ZNF385D: variants seen among roughly 807,000 people sequenced by gnomAD.
ZNF385D encodes zinc finger protein 385D.
A neutral mutation model predicts 35.8 loss-of-function variants in ZNF385D; 15 were observed. The ratio of observed to expected loss-of-function variants is 0.42; its 90% CI spans 0.28 to 0.64. ZNF385D has a LOEUF of 0.64. Among genes scored for constraint, ZNF385D ranks in the 30% least tolerant of loss-of-function variants. The pLI, the probability that ZNF385D is intolerant of heterozygous loss-of-function variation, is 0.23. For missense variants in ZNF385D, 474 were observed against 494.6 expected (o/e 0.96, Z 0.39); for synonymous variants, 212 against 186.8 (o/e 1.13, Z -1.10).
chr3:21,943,812 A>G (rs1353355371), intron 3 of ZNF385D, among the ~76,000 whole-genome samples: 2 of 152,226 alleles, frequency 1.3e-5, no homozygotes, highest in Admixed American at 6.5e-5. Context: ...GGAATGGCCA[A>G]ACTAAGCCTG....
At chr3:21,702,789 C>T (rs1396419733) in intron 1 of ZNF385D, among the ~76,000 whole-genome samples, 1 of 152,190 alleles carries the variant, frequency 6.6e-6, no homozygotes, top group African/African-American at 2.4e-5. Flanking sequence ...GTGCAAAATG[C>T]CACCAGTTTC....
At chr3:21,995,257 G>T (rs1033115506) in intron 3 of ZNF385D, among the ~76,000 whole-genome samples, 1 of 152,222 alleles carries the variant, frequency 6.6e-6, no homozygotes, top group Non-Finnish European at 1.5e-5. Flanking sequence ...GGGTGGCCAA[G>T]AAGGCATGCA....
intron 3 of ZNF385D, among the ~76,000 whole-genome samples, chr3:21,880,363 G>A (rs564678811): frequency 1.3e-5 from 2 of 152,040 alleles, no homozygotes; most frequent in South Asian, 2.1e-4. Flanking sequence ...TCGTGTTTCT[G>A]TCACATTTTG....
At chr3:22,166,310 T>C (rs1001953118) in intron 3 of ZNF385D, among the ~76,000 whole-genome samples, 2 of 152,204 alleles carry the variant, frequency 1.3e-5, no homozygotes, top group African/African-American at 4.8e-5. Context: ...TTGAATAGTA[T>C]ATTAATCAAA....
intron 3 of ZNF385D, among the ~76,000 whole-genome samples, chr3:22,112,529 T>C (rs1317352509): frequency 1.3e-5 from 2 of 152,164 alleles, no homozygotes; most frequent in African/African-American, 2.4e-5. Flanking sequence ...TATCAATGTA[T>C]GTAAATCTAT....
chr3:21,928,372 G>A (rs1456623374), intron 3 of ZNF385D, among the ~76,000 whole-genome samples: 2 of 150,928 alleles, frequency 1.3e-5, no homozygotes, highest in East Asian at 3.9e-4. Context: ...GGAAAGGAAA[G>A]GAAAGCAAAG....
chr3:21,900,027 T>G (rs1280021345), intron 3 of ZNF385D, among the ~76,000 whole-genome samples: 1 of 152,148 alleles, frequency 6.6e-6, no homozygotes, highest in Non-Finnish European at 1.5e-5. Flanking sequence ...TTCAACCCTA[T>G]GTTCAAAAAA....
chr3:22,070,346 G>T (rs1700169814), intron 3 of ZNF385D, among the ~76,000 whole-genome samples: 1 of 152,072 alleles, frequency 6.6e-6, no homozygotes, highest in Non-Finnish European at 1.5e-5. Flanking sequence ...ATACTACAGA[G>T]AAACGGATGC....
chr3:21,790,715 T>C (rs2071892226), intron 3 of ZNF385D, among the ~76,000 whole-genome samples: 2 of 152,330 alleles, frequency 1.3e-5, no homozygotes, highest in South Asian at 4.1e-4. Flanking sequence ...CAAGTTGCTA[T>C]TTAAACCTTG....
At position 22,103,664 on chromosome 3, in the gene ZNF385D, G is replaced by C. The variant is rs564506218; in HGVS notation, c.325+65153C>G. On this transcript the variant is annotated intron_variant, in intron 3 of 5. Coordinates refer to the ZNF385D transcript ENST00000494108. ...TTTTGCAACTCAATGACCCACATTT[G>C]GGTTAGTGCTTGTGGACACGTTAGT... 3.5e-5 allele frequency among the ~76,000 whole-genome samples: 5 copies of C among 142,128 alleles called. No individual in the cohort carries two copies. In the South Asian group the frequency reaches 1.1e-3, roughly 31 times the overall value. 93.2% of individuals were successfully genotyped at this position (142,128 alleles called of 152,430 possible). A position where few individuals can be genotyped will look rare whatever the true frequency, so the allele number is the denominator to read the frequency against.
In ZNF385D at chr3:21,416,730, A is replaced by G. The variant is rs924202097; in HGVS notation, c.*4484T>C. 2 of 152,188 alleles carry G rather than the reference A, an allele frequency of 1.3e-5. No individual in the cohort carries two copies. The highest frequency in any genetic ancestry group is 2.4e-5 in the African/African-American group (1 of 41,462). The allele number at this position is 152,188 out of a possible 1,614,324, so 9.4% of individuals were successfully genotyped here. On this transcript the variant is annotated 3_prime_UTR_variant, in exon 8 of 8. Coordinates refer to ENST00000281523, the MANE Select transcript of ZNF385D (RefSeq NM_024697.3). Reference sequence around the variant, plus strand: ...ACAATGACAAGAGCGCATAACTGATATACTTGTCTGTGGAAGAGATGGTCT... The same window carrying G: ...ACAATGACAAGAGCGCATAACTGATGTACTTGTCTGTGGAAGAGATGGTCT...
At chr3:22,042,202 A>G (rs1444893351) in intron 3 of ZNF385D, among the ~76,000 whole-genome samples, 2 of 152,114 alleles carry the variant, frequency 1.3e-5, no homozygotes, top group African/African-American at 4.8e-5. Flanking sequence ...ACTAGTTATG[A>G]AACTGGGAAT....
chr3:21,757,367 T>G (rs1051542173), intron 3 of ZNF385D, among the ~76,000 whole-genome samples: 1 of 152,136 alleles, frequency 6.6e-6, no homozygotes, highest in Non-Finnish European at 1.5e-5. Flanking sequence ...GGTCTTGAAT[T>G]CCTGACCTCA....
At chr3:22,285,554 T>C (rs1037939144) in intron 2 of ZNF385D, among the ~76,000 whole-genome samples, 1 of 152,156 alleles carries the variant, frequency 6.6e-6, no homozygotes, top group Non-Finnish European at 1.5e-5. Context: ...TATTATACTT[T>C]AAGTTTTAGG....
intron 2 of ZNF385D, among the ~76,000 whole-genome samples, chr3:21,600,898 A>G (rs943368120): frequency 2.0e-5 from 3 of 152,090 alleles, no homozygotes; most frequent in African/African-American, 7.2e-5. Flanking sequence ...CAAAGGGATG[A>G]ATAGATTAAA....
chr3:22,035,450 C>T (rs898992296), intron 3 of ZNF385D, among the ~76,000 whole-genome samples: 1 of 152,008 alleles, frequency 6.6e-6, no homozygotes, highest in Non-Finnish European at 1.5e-5. Flanking sequence ...TCAGTTAAGC[C>T]CAGAGCATAA....
At chr3:22,109,545 C>A (rs1291439338) in intron 3 of ZNF385D, among the ~76,000 whole-genome samples, 1 of 152,038 alleles carries the variant, frequency 6.6e-6, no homozygotes, top group African/African-American at 2.4e-5. Flanking sequence ...GGGGCTGAGG[C>A]AAATAGGGTT....
intron 3 of ZNF385D, among the ~76,000 whole-genome samples, chr3:21,848,578 C>G (rs977467753): frequency 6.6e-6 from 1 of 151,664 alleles, no homozygotes; most frequent in African/African-American, 2.4e-5. Context: ...TACAGAAATA[C>G]AAAGAATCAA....
chr3:21,719,834 G>A (rs2068467762), intron 1 of ZNF385D, among the ~76,000 whole-genome samples: 2 of 152,206 alleles, frequency 1.3e-5, no homozygotes, highest in East Asian at 1.9e-4. Context: ...TTTGCTGTGT[G>A]TTTCTTGTTT....
Sources: gnomAD v4.1 joint callset for allele counts (sites outside exome capture counted in the v4.1 genomes callset) on GRCh38, gnomAD v4.1.1 for gene constraint, MANE v1.5 for transcripts, NCBI Gene and HGNC (gene_info 2026-07-23, HGNC 2026-07-21) for gene names.